Variants in PLCXD3 observed in about 807,000 individuals in gnomAD.
The protein encoded by PLCXD3 is phosphatidylinositol specific phospholipase C X domain containing 3, also known as PI-PLC X domain-containing protein 3.
In PLCXD3, 19 loss-of-function variants were observed where a neutral mutation model predicts 25.5. The ratio of observed to expected loss-of-function variants is 0.75; its 90% CI spans 0.52 to 1.09. PLCXD3 has a LOEUF of 1.09. Ranked by LOEUF, PLCXD3 falls within the 50% of genes least tolerant of loss-of-function variation. PLCXD3 has a pLI of 0.00. For synonymous variants in PLCXD3, 174 were observed against 137.6 expected (o/e 1.26, Z -1.85); for missense variants, 411 against 388.1 (o/e 1.06, Z -0.50).
At chr5:41,322,198 A>G (rs908683496) in intron 2 of PLCXD3, among the ~76,000 whole-genome samples, 13 of 152,206 alleles carry the variant, frequency 8.5e-5, no homozygotes, top group African/African-American at 2.7e-4. Flanking sequence ...GAGATTAATA[A>G]CCAGGATATA....
chr5:41,360,576 C>A (rs1357212169), intron 2 of PLCXD3, among the ~76,000 whole-genome samples: 1 of 152,182 alleles, frequency 6.6e-6, no homozygotes, highest in Admixed American at 6.5e-5. Flanking sequence ...TCTTCCTCTT[C>A]CCCTAAGAAT....
At chr5:41,339,341 C>A (rs1744072601) in intron 2 of PLCXD3, among the ~76,000 whole-genome samples, 1 of 152,056 alleles carries the variant, frequency 6.6e-6, no homozygotes, top group African/African-American at 2.4e-5. Flanking sequence ...TAGGAGGTAG[C>A]TCCAGCTGGT....
rs148818052 is a variant in PLCXD3, at chr5:41,476,763, G to A, written c.103+33661C>T. On this transcript the variant is annotated intron_variant, in intron 1 of 2. Transcript: ENST00000377801. The stretch of plus-strand genomic sequence containing the variant: ...AACTGTTGAACCTGAGGTTGGTCTT[G>A]AGGACACCAACACAAAGAGCAATTA... 8.0e-4 allele frequency among the ~76,000 whole-genome samples: 122 copies of A among 152,284 alleles called. 1 individual carries two copies. In the East Asian group the frequency reaches 0.016, roughly 20 times the overall value.
chr5:41,428,234 T>C (rs1393541607), intron 1 of PLCXD3, among the ~76,000 whole-genome samples: 5 of 152,152 alleles, frequency 3.3e-5, no homozygotes, highest in Non-Finnish European at 7.4e-5. Context: ...CTCAGACATG[T>C]ATTAAAAATA....
chr5:41,413,088 C>A (rs1746605072), intron 1 of PLCXD3, among the ~76,000 whole-genome samples: 1 of 152,146 alleles, frequency 6.6e-6, no homozygotes, highest in African/African-American at 2.4e-5. Context: ...TATTGTATTA[C>A]ACTTACTAGA....
intron 1 of PLCXD3, among the ~76,000 whole-genome samples, chr5:41,486,984 C>T (rs989058417): frequency 2.6e-5 from 4 of 152,140 alleles, no homozygotes; most frequent in South Asian, 4.1e-4. Flanking sequence ...GAATTACCAA[C>T]TTACAGATAA....
In PLCXD3 at chr5:41,446,146, C is replaced by T. The variant is rs1747492870; in HGVS notation, c.104-63612G>A. 1.6e-5 allele frequency among the ~76,000 whole-genome samples: 2 copies of T among 124,414 alleles called. 1 individual carries two copies. Among genetic ancestry groups the T allele is most frequent in the South Asian group, 5.4e-4 (2 of 3,706 alleles). 81.6% of individuals were successfully genotyped at this position (124,414 alleles called of 152,430 possible). A position where few individuals can be genotyped will look rare whatever the true frequency, so the allele number is the denominator to read the frequency against. ...GAGCTTGCAGTGCGCCACAGCACTC[C>T]AGTCTGGGCGACGGAGCCAGACTCC... is the stretch of plus-strand genomic sequence containing the variant. On this transcript the variant is annotated intron_variant, in intron 1 of 2. Coordinates refer to ENST00000377801, the MANE Select transcript of PLCXD3 (RefSeq NM_001005473.3).
At chr5:41,492,348 C>T (rs1443938735) in intron 1 of PLCXD3, among the ~76,000 whole-genome samples, 2 of 152,172 alleles carry the variant, frequency 1.3e-5, no homozygotes, top group East Asian at 1.9e-4. Context: ...CCCGACCTTT[C>T]TCTCTGGCTG....
At chr5:41,441,224 G>T (rs1461401077) in intron 1 of PLCXD3, among the ~76,000 whole-genome samples, 2 of 152,182 alleles carry the variant, frequency 1.3e-5, no homozygotes, top group Non-Finnish European at 2.9e-5. Flanking sequence ...GTAATGAAAA[G>T]GAAGTGGATA....
At chr5:41,390,050 T>A (rs1378977256) in intron 1 of PLCXD3, among the ~76,000 whole-genome samples, 2 of 152,166 alleles carry the variant, frequency 1.3e-5, no homozygotes, top group Admixed American at 6.6e-5. Flanking sequence ...CTGCTATATA[T>A]CACTCTAAGT....
At chr5:41,399,124 G>C (rs950924310) in intron 1 of PLCXD3, among the ~76,000 whole-genome samples, 1 of 151,910 alleles carries the variant, frequency 6.6e-6, no homozygotes, top group Non-Finnish European at 1.5e-5. Context: ...TAAATACCTA[G>C]GAATTAGCTT....
At chr5:41,319,538 A>C (rs1457619319) in intron 2 of PLCXD3, among the ~76,000 whole-genome samples, 1 of 152,212 alleles carries the variant, frequency 6.6e-6, no homozygotes, top group African/African-American at 2.4e-5. Flanking sequence ...ATTAAGAAGG[A>C]AATTGAAAAG....
chr5:41,502,602 G>A (rs189438921), intron 1 of PLCXD3, among the ~76,000 whole-genome samples: 2 of 152,204 alleles, frequency 1.3e-5, no homozygotes, highest in Non-Finnish European at 2.9e-5. Flanking sequence ...AATTTACTAA[G>A]GAAGTGTAGT....
intron 2 of PLCXD3, among the ~76,000 whole-genome samples, chr5:41,316,480 G>C (rs1743295528): frequency 1.3e-5 from 2 of 152,176 alleles, no homozygotes; most frequent in Non-Finnish European, 2.9e-5. Context: ...AAAGCAGAGA[G>C]AAAAGTAAAG....
intron 2 of PLCXD3, among the ~76,000 whole-genome samples, chr5:41,315,474 G>A (rs1163001552): frequency 1.3e-5 from 2 of 151,962 alleles, no homozygotes; most frequent in Non-Finnish European, 1.5e-5. Context: ...GAATTGGGAG[G>A]CTGAGCAAGA....
At chr5:41,387,195 G>T (rs914628938) in intron 1 of PLCXD3, among the ~76,000 whole-genome samples, 15 of 152,036 alleles carry the variant, frequency 9.9e-5, no homozygotes, top group African/African-American at 3.4e-4. Flanking sequence ...AGGAGCTGAG[G>T]TCTGAGCTCC....
chr5:41,442,335 G>C (rs1457129), intron 1 of PLCXD3, among the ~76,000 whole-genome samples: 2,220 of 152,248 alleles, frequency 0.015, 54 homozygotes, highest in African/African-American at 0.051. Flanking sequence ...ACAGTTTTCA[G>C]TGCCAAAGAA....
At position 41,423,605 on chromosome 5, in the gene PLCXD3, A is replaced by T. The variant is rs199624229; in HGVS notation, c.104-41071T>A. On this transcript the variant is annotated intron_variant, in intron 1 of 2. Transcript: ENST00000377801. ...CTGATTTGATTTGTATCAGATGATT[A>T]TATTATTACTTTATATATTTTTCTT... is the stretch of plus-strand genomic sequence containing the variant. Among the ~76,000 whole-genome samples, 51 of 152,126 alleles carry T rather than the reference A, an allele frequency of 3.4e-4. No homozygotes were observed. The East Asian group carries it at 6.2e-3, about 18-fold the overall frequency.
At chr5:41,444,607 A>G (rs891303037) in intron 1 of PLCXD3, among the ~76,000 whole-genome samples, 4 of 152,196 alleles carry the variant, frequency 2.6e-5, no homozygotes, top group African/African-American at 9.6e-5. Context: ...TACATGCTGG[A>G]AAGCTAATAA....
Sources: gnomAD v4.1 joint callset for allele counts (sites outside exome capture counted in the v4.1 genomes callset) on GRCh38, gnomAD v4.1.1 for gene constraint, MANE v1.5 for transcripts, NCBI Gene and HGNC (gene_info 2026-07-23, HGNC 2026-07-21) for gene names.